The following DIAPH2 variants were observed in gnomAD, a reference collection of about 807,000 sequenced individuals.
The protein encoded by DIAPH2 is protein diaphanous homolog 2.
In DIAPH2, 35 loss-of-function variants were observed where a neutral mutation model predicts 92.7. That is an observed-to-expected ratio of 0.38 (90% CI 0.29 to 0.50). The LOEUF is 0.50. DIAPH2 is among the 20% of genes least tolerant of loss of function. The pLI, the probability that DIAPH2 is intolerant of heterozygous loss-of-function variation, is 0.94. For missense variants in DIAPH2, 701 were observed against 819.5 expected, an observed-to-expected ratio of 0.86 and a Z score of 1.77; for synonymous variants, 301 against 280.4, an observed-to-expected ratio of 1.07 and a Z score of -0.73.
At chrX:97,381,342 G>A (rs1343742710) in intron 24 of DIAPH2, among the ~76,000 whole-genome samples, 2 of 110,920 alleles carry the variant, frequency 1.8e-5, no homozygotes, top group Admixed American at 9.7e-5. Context: ...GATCTTAGTC[G>A]ATCAAAGGAT....
At chrX:97,150,623 T>C (rs780105878) in intron 22 of DIAPH2, among the ~76,000 whole-genome samples, 1 of 111,692 alleles carries the variant, frequency 9.0e-6, no homozygotes, top group South Asian at 3.8e-4. Context: ...ATTCCACCAC[T>C]CTATAAAAAG....
chrX:96,890,436 A>C, intron 5 of DIAPH2, among the ~76,000 whole-genome samples: 1 of 111,587 alleles, frequency 9.0e-6, no homozygotes, highest in East Asian at 2.8e-4. Flanking sequence ...AATGTATTTA[A>C]CCACCCCCAG....
rs1041106452 is a variant in DIAPH2 at position 96,752,407 on chromosome X, A to T, written c.343-5747A>T. ...ATTTATTAAATGTTTACTGCATTCC[A>T]GGAATTATGCTCTTTGCTAGGAGTA... is the stretch of plus-strand genomic sequence containing the variant. On this transcript the variant is annotated intron_variant, in intron 3 of 26. Coordinates refer to ENST00000324765, the MANE Select transcript of DIAPH2 (RefSeq NM_006729.5). 1.2e-4 allele frequency among the ~76,000 whole-genome samples: 13 copies of T among 112,639 alleles called. No individual in the cohort carries two copies. In the Admixed American group the frequency reaches 1.2e-3, roughly 11 times the overall value.
At chrX:97,229,815 TTATA>T (rs1219752643) in intron 22 of DIAPH2, among the ~76,000 whole-genome samples, 1 of 73,918 alleles carries the variant, frequency 1.4e-5, no homozygotes, top group Admixed American at 1.7e-4. Context: ...TATATTGTTA[TTATA>T]TATAATAACA....
intron 21 of DIAPH2, among the ~76,000 whole-genome samples, chrX:97,140,115 T>G (rs937673564): frequency 1.8e-5 from 2 of 111,827 alleles, no homozygotes; most frequent in African/African-American, 6.5e-5. Context: ...TGGGAAGATG[T>G]ACCTGCAATT....
At chrX:96,744,435 C>T (rs2064137563) in intron 3 of DIAPH2, among the ~76,000 whole-genome samples, 1 of 112,334 alleles carries the variant, frequency 8.9e-6, no homozygotes, top group African/African-American at 3.2e-5. Context: ...AAATCTAAAA[C>T]ATTGACTTTT....
intron 26 of DIAPH2, among the ~76,000 whole-genome samples, chrX:97,441,543 C>A (rs1236420521): frequency 9.0e-6 from 1 of 111,703 alleles, no homozygotes; most frequent in East Asian, 2.8e-4. Flanking sequence ...TGGGGCCAGG[C>A]GCAGTGGCTC....
chrX:97,335,888 C>T (rs2069053661), intron 23 of DIAPH2, among the ~76,000 whole-genome samples: 1 of 111,523 alleles, frequency 9.0e-6, no homozygotes, highest in Non-Finnish European at 1.9e-5. Context: ...CAATGACTTA[C>T]GTTTTGGGCA....
chrX:97,502,083 G>A (rs1276023598), intron 26 of DIAPH2, among the ~76,000 whole-genome samples: 3 of 112,311 alleles, frequency 2.7e-5, no homozygotes, highest in Non-Finnish European at 5.6e-5. Context: ...GATTACAAGC[G>A]TGAGCCATCG....
intron 3 of DIAPH2, among the ~76,000 whole-genome samples, chrX:96,741,838 A>G (rs149477129): frequency 5.0e-4 from 56 of 111,255 alleles, no homozygotes; most frequent in African/African-American, 1.7e-3. Context: ...ATTCTCTCCA[A>G]TTTGAAACAC....
chrX:97,550,060 G>GT (rs1331652426), intron 26 of DIAPH2, among the ~76,000 whole-genome samples: 1 of 112,700 alleles, frequency 8.9e-6, no homozygotes, highest in African/African-American at 3.2e-5. Flanking sequence ...TCAAAAAACA[G>GT]TATTACATAA....
intron 24 of DIAPH2, among the ~76,000 whole-genome samples, chrX:97,362,907 G>C (rs185950396): frequency 1.1e-3 from 122 of 112,478 alleles, no homozygotes; most frequent in African/African-American, 3.8e-3. Context: ...CTAAGATTTA[G>C]ATTTTAACAG....
chrX:97,406,673 A>G (rs1024821231), intron 25 of DIAPH2, among the ~76,000 whole-genome samples: 2 of 112,020 alleles, frequency 1.8e-5, no homozygotes, highest in Non-Finnish European at 3.8e-5. Context: ...CAGCTGCCGT[A>G]GAAGTGCTGA....
chrX:96,791,601 G>A (rs1384149863), intron 4 of DIAPH2, among the ~76,000 whole-genome samples: 1 of 108,275 alleles, frequency 9.2e-6, no homozygotes, highest in Admixed American at 1.0e-4. Context: ...CCATCCCATG[G>A]GGAGGAAAAA....
chrX:97,572,176 C>CT (rs1272826914), intron 26 of DIAPH2, among the ~76,000 whole-genome samples: 1 of 108,717 alleles, frequency 9.2e-6, no homozygotes, highest in African/African-American at 3.4e-5. Context: ...GCAGCCGTTA[C>CT]ATATCATTAG....
At chrX:97,583,691 GT>G (rs2071457920) in intron 26 of DIAPH2, among the ~76,000 whole-genome samples, 1 of 111,533 alleles carries the variant, frequency 9.0e-6, no homozygotes, top group African/African-American at 3.3e-5. Context: ...TTGAGCTGTG[GT>G]GGGCTCCACC....
chrX:97,595,860 G>A (rs1234374414), intron 26 of DIAPH2, among the ~76,000 whole-genome samples: 6 of 111,236 alleles, frequency 5.4e-5, no homozygotes, highest in East Asian at 2.8e-4. Context: ...TCAAACTCCC[G>A]ACCTCAGGTG....
chrX:97,404,678 A>T (rs975082345), intron 25 of DIAPH2, among the ~76,000 whole-genome samples: 2 of 112,034 alleles, frequency 1.8e-5, no homozygotes, highest in African/African-American at 6.5e-5. Context: ...GAAAAATTGA[A>T]TTTTGAATGT....
chrX:96,722,731 T>G (rs2147551615), intron 1 of DIAPH2, among the ~76,000 whole-genome samples: 1 of 111,738 alleles, frequency 8.9e-6, no homozygotes, highest in South Asian at 3.8e-4. Context: ...AGTGAGAAAT[T>G]ATCGCACTAT....
Sources: allele counts gnomAD v4.1 joint callset (sites outside exome capture counted in the v4.1 genomes callset), GRCh38; gene constraint gnomAD v4.1.1; transcripts MANE v1.5; gene names NCBI Gene and HGNC (gene_info 2026-07-23, HGNC 2026-07-21).